ZNF91: variants seen among roughly 807,000 people sequenced by gnomAD.
The protein encoded by ZNF91 is zinc finger protein 91 (HPF7, HTF10).
In ZNF91, 7 loss-of-function variants were observed where a neutral mutation model predicts 12.6. The ratio of observed to expected loss-of-function variants is 0.55; its 90% CI spans 0.31 to 1.04. ZNF91 has a LOEUF of 1.04. ZNF91 is among the 50% of genes least tolerant of loss of function. The probability of loss-of-function intolerance (pLI) is 0.05; values close to 1 mark genes in which losing one functional copy is unlikely to be tolerated. For missense variants in ZNF91, 1,217 were observed against 1,385.4 expected (o/e 0.88, Z 1.93); for synonymous variants, 453 against 462.6 (o/e 0.98, Z 0.27).
Position 23,360,604 on chromosome 19 carries a change from T to C in ZNF91, c.2375A>G (p.His792Arg), listed in dbSNP as rs769744838. Residue 792 changes from histidine (H) to arginine (R), a missense_variant, in exon 4 of 4, where the codon CAC becomes CGC. This residue lies in a region of ZNF91 where 491 missense variants were observed against 489.8 expected (regional missense o/e 1.00). Transcript: ENST00000300619. Reference protein sequence around the residue: ...SSTLTRHKRIHTGEKPYKCEE... With the variant: ...SSTLTRHKRIRTGEKPYKCEE... ...ACATTTGTAGGGCTTCTCTCCAGTG[T>C]GTATCCTCTTATGTCTAGTTAGGGT... 2.5e-6 allele frequency: 4 copies of C among 1,613,852 alleles called. No homozygotes were observed. Among genetic ancestry groups the C allele is most frequent in the Non-Finnish European group, 3.4e-6 (4 of 1,179,952 alleles).
rs556544027 is a variant in ZNF91, at chr19:23,394,160, G to A, written c.30+1165C>T. Among the ~76,000 whole-genome samples the A allele has an allele frequency of 2.0e-5, 3 of 152,276 alleles. No individual in the cohort carries two copies. In the East Asian group the frequency reaches 5.8e-4, roughly 29 times the overall value. ...AGCCAGAGTTAGGCTGGAGGAACAG[G>A]GGATGAGGGGTGGACTTGAGGCCCT... is the stretch of plus-strand genomic sequence containing the variant. On this transcript the variant is annotated intron_variant, in intron 1 of 3. Transcript: ENST00000300619.
intron 3 of ZNF91, among the ~76,000 whole-genome samples, chr19:23,366,572 G>A (rs1969023111): frequency 6.6e-6 from 1 of 152,016 alleles, no homozygotes; most frequent in Non-Finnish European, 1.5e-5. Flanking sequence ...TAAAAAGTCT[G>A]TGCCAGCATC....
At chr19:23,391,914 A>T (rs1181983582) in intron 1 of ZNF91, among the ~76,000 whole-genome samples, 1 of 152,214 alleles carries the variant, frequency 6.6e-6, no homozygotes, top group African/African-American at 2.4e-5. Flanking sequence ...CAGAGTTATT[A>T]ACTTGGCTTT....
At chr19:23,341,016 T>C (rs1343696992) in intron 3 of ZNF91, among the ~76,000 whole-genome samples, 3 of 150,940 alleles carry the variant, frequency 2.0e-5, no homozygotes, top group African/African-American at 7.3e-5. Flanking sequence ...AACACGCATA[T>C]GAAAAAAATG....
In ZNF91 at chr19:23,359,317, G is replaced by A. The variant is rs1046100471; in HGVS notation, c.*86C>T. On this transcript the variant is annotated 3_prime_UTR_variant, in exon 4 of 4. Transcript: ENST00000300619. ...GGCTCACTGCAAGCTCCGCCTCCCG[G>A]GTTCACGCCATTCTCCTGCCTCAGC... The A allele has an allele frequency of 3.9e-5, 22 of 570,112 alleles. No homozygotes were observed. The highest frequency in any genetic ancestry group is 3.2e-4 in the African/African-American group (17 of 53,176). 35.3% of individuals were successfully genotyped at this position (570,112 alleles called of 1,614,324 possible).
intron 1 of ZNF91, among the ~76,000 whole-genome samples, chr19:23,381,470 T>C (rs1240705062): frequency 1.3e-5 from 2 of 151,572 alleles, no homozygotes; most frequent in Non-Finnish European, 2.9e-5. Context: ...CTCTTTTTTT[T>C]TTTTTTTTGA....
intron 1 of ZNF91, among the ~76,000 whole-genome samples, 193 bp from the exon 2 acceptor site, chr19:23,374,957 CATA>C (rs1969452298): frequency 6.6e-6 from 1 of 152,076 alleles, no homozygotes; most frequent in South Asian, 2.1e-4. Context: ...AAGAGAGTGG[CATA>C]ATACCCACAA....
At chr19:23,339,385 T>C (rs1599700244) in intron 3 of ZNF91, 1 of 152,262 alleles carries the variant, frequency 6.6e-6, no homozygotes. Flanking sequence ...AGAAATATTA[T>C]TAAATCTATA....
chr19:23,311,317 T>C (rs1599678240), upstream of ZNF91, among the ~76,000 whole-genome samples: 4 of 151,642 alleles, frequency 2.6e-5, no homozygotes, highest in East Asian at 5.9e-4. Flanking sequence ...GCCCTGCACA[T>C]ATTGTGTGTT....
At chr19:23,341,812 G>C (rs1185486409) in intron 3 of ZNF91, among the ~76,000 whole-genome samples, 1 of 152,044 alleles carries the variant, frequency 6.6e-6, no homozygotes, top group Non-Finnish European at 1.5e-5. Context: ...AGACATGATG[G>C]GAAAAGAAAC....
At chr19:23,363,873 A>G (rs557409996) in intron 3 of ZNF91, among the ~76,000 whole-genome samples, 1 of 152,302 alleles carries the variant, frequency 6.6e-6, no homozygotes, top group East Asian at 1.9e-4. Flanking sequence ...ATAAAAACTG[A>G]TAGATCCTAA....
chr19:23,335,522 T>A (rs1967989649), downstream of ZNF91, among the ~76,000 whole-genome samples: 1 of 152,194 alleles, frequency 6.6e-6, no homozygotes, highest in African/African-American at 2.4e-5. Flanking sequence ...GCCTCAGCGA[T>A]GGTGGACGCC....
At chr19:23,348,239 A>C (rs965092156) in intron 3 of ZNF91, among the ~76,000 whole-genome samples, 3 of 152,000 alleles carry the variant, frequency 2.0e-5, no homozygotes, top group Non-Finnish European at 4.4e-5. Context: ...CCAAAGGCAC[A>C]CTCTTTTTAT....
At chr19:23,379,944 C>T (rs1969639403) in intron 1 of ZNF91, among the ~76,000 whole-genome samples, 1 of 152,072 alleles carries the variant, frequency 6.6e-6, no homozygotes, top group South Asian at 2.1e-4. Context: ...GCCACAGCAG[C>T]ACTTTAGTGT....
downstream of ZNF91, among the ~76,000 whole-genome samples, chr19:23,353,878 C>T (rs888131858): frequency 6.6e-6 from 1 of 152,028 alleles, no homozygotes; most frequent in African/African-American, 2.4e-5. Context: ...AAGATACAAC[C>T]CTCCTAGCTT....
In ZNF91 at chr19:23,360,436, T is replaced by G. The variant is rs375337081; in HGVS notation, c.2543A>C (p.His848Pro). The change falls in exon 4 of 4, where the codon CAT becomes CCT. Residue 848 changes from histidine (H) to proline (P), a missense_variant. By Grantham distance (77) the His-to-Pro change is moderately conservative (BLOSUM62 -2). Around this residue, in one of 2 missense-constraint regions of ZNF91, gnomAD observed 491 missense variants for 489.8 expected, o/e 1.00. Transcript: ENST00000300619. The part of the protein sequence containing the change: ...SSALAKHKII[H>P]AGEKLYKCEE... ...ACATTTGTAGAGTTTCTCTCCAGCA[T>G]GTATTATTTTATGTTTAGCAAGGGC... is the stretch of plus-strand genomic sequence containing the variant. 2 of 1,614,070 alleles carry G rather than the reference T, an allele frequency of 1.2e-6. No homozygotes were observed. The highest frequency in any genetic ancestry group is 1.7e-6 in the Non-Finnish European group (2 of 1,179,984).
chr19:23,374,008 CT>C (rs1969401618), intron 2 of ZNF91, among the ~76,000 whole-genome samples, 171 bp from the exon 3 acceptor site: 1 of 152,006 alleles, frequency 6.6e-6, no homozygotes, highest in Non-Finnish European at 1.5e-5. Flanking sequence ...TTTATAGGTT[CT>C]TAATTTTACT....
chr19:23,394,760 G>A (rs1197261096), intron 1 of ZNF91, among the ~76,000 whole-genome samples: 1 of 152,044 alleles, frequency 6.6e-6, no homozygotes, highest in Non-Finnish European at 1.5e-5. Flanking sequence ...CTACATAACT[G>A]TACCTAGCAA....
chr19:23,350,942 C>A (rs957016088), intron 3 of ZNF91, among the ~76,000 whole-genome samples: 5 of 152,142 alleles, frequency 3.3e-5, no homozygotes, highest in Non-Finnish European at 7.3e-5. Flanking sequence ...CTCCACATTG[C>A]CTCATCTTGT....
Sources: gnomAD v4.1 joint callset for allele counts (sites outside exome capture counted in the v4.1 genomes callset) on GRCh38, gnomAD v4.1.1 for gene constraint, gnomAD v4.1.1 regional missense constraint, MANE v1.5 for transcripts, NCBI Gene and HGNC (gene_info 2026-07-23, HGNC 2026-07-21) for gene names.